The following PRKAR2A variants were observed in gnomAD, a reference collection of about 807,000 sequenced individuals.
PRKAR2A encodes protein kinase cAMP-dependent type II regulatory subunit alpha, also known as cAMP-dependent protein kinase type II-alpha regulatory subunit.
Under a neutral mutation model 51.9 loss-of-function variants are expected in PRKAR2A, and 29 were observed. The observed-to-expected ratio is 0.56, with a 90% CI of 0.42 to 0.76. The LOEUF (loss-of-function observed/expected upper bound fraction) is 0.76. Among genes scored for constraint, PRKAR2A ranks in the 30% least tolerant of loss-of-function variants. PRKAR2A has a pLI of 0.00. For synonymous variants in PRKAR2A, 178 were observed against 186.2 expected (o/e 0.96, Z 0.36); for missense variants, 445 against 512.1 (o/e 0.87, Z 1.26).
intron 6 of PRKAR2A, among the ~76,000 whole-genome samples, chr3:48,771,258 A>T (rs1278392615): frequency 5.3e-5 from 8 of 152,204 alleles, no homozygotes; most frequent in Admixed American, 5.2e-4. Flanking sequence ...CTGTAATTCC[A>T]GCACTTTGGG....
At chr3:48,752,154 A>G (rs1293802007) in intron 10 of PRKAR2A, 22 bp downstream of exon 10, 11 of 1,595,540 alleles carry the variant, frequency 6.9e-6, no homozygotes, top group Non-Finnish European at 9.4e-6. Context: ...AAGAATATTA[A>G]TGCATAAAGA....
At chr3:48,758,635 A>AC (rs1181243739) in intron 8 of PRKAR2A, among the ~76,000 whole-genome samples, 1 of 151,824 alleles carries the variant, frequency 6.6e-6, no homozygotes, top group Non-Finnish European at 1.5e-5. Context: ...GACAGCAGAG[A>AC]CTAGGGTATG....
chr3:48,845,959 A>G (rs75154247), intron 1 of PRKAR2A, among the ~76,000 whole-genome samples: 1 of 151,536 alleles, frequency 6.6e-6, no homozygotes, highest in South Asian at 2.1e-4. Context: ...AAAAAAAAAA[A>G]GGTGTGATGA....
rs2107189524 is a variant in PRKAR2A at position 48,752,269 on chromosome 3, A to G, written c.988T>C (p.Cys330Arg). The G allele has an allele frequency of 6.2e-7, 1 of 1,614,184 alleles. No homozygotes were observed. The highest frequency in any genetic ancestry group is 2.2e-5 in the East Asian group (1 of 44,890). The change falls in exon 10 of 11, where the codon TGC becomes CGC. Residue 330 changes from cysteine to arginine, a missense_variant. By Grantham distance (180) the Cys-to-Arg change is radical. Transcript: ENST00000265563. ...GGNQEVEIAR[C>R]HKGQYFGELA... ...TCTCCAAAGTACTGCCCCTTATGGC[A>G]GCGGGCAATCTCGACCTCCTGGTTC...
At chr3:48,769,553 C>T (rs1487195909) in intron 6 of PRKAR2A, among the ~76,000 whole-genome samples, 6 of 151,896 alleles carry the variant, frequency 4.0e-5, no homozygotes, top group South Asian at 2.1e-4. Flanking sequence ...CTTGCCTCAC[C>T]GCAACCTCCG....
chr3:48,752,135 T>G, intron 10 of PRKAR2A, 41 bp downstream of exon 10: 1 of 1,593,586 alleles, frequency 6.3e-7, no homozygotes, highest in Non-Finnish European at 8.5e-7. Context: ...AAATATTACA[T>G]GTTAGAAAAA....
chr3:48,799,631 G>A (rs1285473030), intron 2 of PRKAR2A, among the ~76,000 whole-genome samples: 1 of 152,144 alleles, frequency 6.6e-6, no homozygotes, highest in Non-Finnish European at 1.5e-5. Context: ...AAGCCTTAAA[G>A]GGCAGGGATG....
At chr3:48,787,500 C>T (rs2082314074) in intron 4 of PRKAR2A, among the ~76,000 whole-genome samples, 1 of 152,056 alleles carries the variant, frequency 6.6e-6, no homozygotes, top group Admixed American at 6.6e-5. Flanking sequence ...TATAACTTTT[C>T]AACACTCAAA....
chr3:48,807,810 T>C, intron 1 of PRKAR2A, 126 bp from the exon 2 acceptor site: 1 of 712,180 alleles, frequency 1.4e-6, no homozygotes, highest in Non-Finnish European at 2.5e-6. Context: ...GGTCAGTTCA[T>C]AGTCTTCCAC....
At chr3:48,829,419 T>A (rs2083129702) in intron 1 of PRKAR2A, among the ~76,000 whole-genome samples, 1 of 151,138 alleles carries the variant, frequency 6.6e-6, no homozygotes, top group South Asian at 2.1e-4. Flanking sequence ...CTTAGGAGGC[T>A]GAGGCAGGAG....
At chr3:48,800,070 G>T (rs1421168304) in intron 2 of PRKAR2A, among the ~76,000 whole-genome samples, 1 of 151,938 alleles carries the variant, frequency 6.6e-6, no homozygotes, top group Non-Finnish European at 1.5e-5. Flanking sequence ...ATGTTGGTGA[G>T]GCTGGTCTTG....
intron 1 of PRKAR2A, among the ~76,000 whole-genome samples, chr3:48,813,232 CAAAAAAAA>C (rs35033928): frequency 9.9e-5 from 8 of 80,492 alleles, no homozygotes; most frequent in Non-Finnish European, 1.5e-4. Context: ...CTATCTCTAC[CAAAAAAAA>C]AAAAAAAAAA....
chr3:48,776,424 C>T (rs2082105954), intron 5 of PRKAR2A, among the ~76,000 whole-genome samples: 1 of 152,080 alleles, frequency 6.6e-6, no homozygotes, highest in Non-Finnish European at 1.5e-5. Flanking sequence ...GTAATTTCAT[C>T]TGCTAATAAT....
chr3:48,788,091 T>G (rs143884474), intron 4 of PRKAR2A, among the ~76,000 whole-genome samples: 1 of 152,288 alleles, frequency 6.6e-6, no homozygotes, highest in Non-Finnish European at 1.5e-5. Context: ...AGTTCAGTGG[T>G]ATGATCTCAG....
intron 1 of PRKAR2A, among the ~76,000 whole-genome samples, chr3:48,822,135 AG>A (rs1313363254): frequency 1.4e-5 from 2 of 139,712 alleles, no homozygotes; most frequent in East Asian, 4.5e-4. Context: ...CCCTTGAACC[AG>A]GGAGGCAGAG....
chr3:48,834,963 G>C (rs1473538031), intron 1 of PRKAR2A, among the ~76,000 whole-genome samples: 1 of 150,864 alleles, frequency 6.6e-6, no homozygotes, highest in African/African-American at 2.4e-5. Context: ...TGAGGCAGGA[G>C]GATCACTTTT....
chr3:48,817,390 G>A lies in PRKAR2A; in HGVS notation c.263-9706C>T, dbSNP rs540480254. Among the ~76,000 whole-genome samples, 13 of 151,598 alleles carry A rather than the reference G, an allele frequency of 8.6e-5. No individual in the cohort carries two copies. The South Asian group carries it at 2.7e-3, about 32-fold the overall frequency. ...AAATAGGCCAGACGTGGTGGCTCAC[G>A]CCTGTAATCCCAGCACTTTGGGAGG... On this transcript the variant is annotated intron_variant, in intron 1 of 10. Coordinates refer to ENST00000265563, the MANE Select transcript of PRKAR2A (RefSeq NM_004157.4).
chr3:48,778,033 G>A (rs960404915), intron 5 of PRKAR2A, among the ~76,000 whole-genome samples: 1 of 152,060 alleles, frequency 6.6e-6, no homozygotes, highest in Non-Finnish European at 1.5e-5. Context: ...CTATATAATG[G>A]GGCATATGTT....
chr3:48,838,516 A>G (rs1575958283), intron 1 of PRKAR2A, among the ~76,000 whole-genome samples: 1 of 151,958 alleles, frequency 6.6e-6, no homozygotes, highest in East Asian at 1.9e-4. Context: ...CTGAGGCACA[A>G]GAATTGCTTG....
Sources: allele counts gnomAD v4.1 joint callset (sites outside exome capture counted in the v4.1 genomes callset), GRCh38; gene constraint gnomAD v4.1.1; transcripts MANE v1.5; gene names NCBI Gene and HGNC (gene_info 2026-07-23, HGNC 2026-07-21).